The following AGMO variants were observed in gnomAD, a reference collection of about 807,000 sequenced individuals.
The protein encoded by AGMO is alkylglycerol monooxygenase.
In AGMO, 75 loss-of-function variants were observed where a neutral mutation model predicts 60.2. The observed-to-expected ratio is 1.25, with a 90% confidence interval of 1.03 to 1.51. The LOEUF is 1.51. AGMO is among the 40% of genes most tolerant of loss of function. The probability of loss-of-function intolerance (pLI) is 0.00; values close to 1 mark genes in which losing one functional copy is unlikely to be tolerated. For synonymous variants in AGMO, 261 were observed against 177.1 expected (o/e 1.47, Z -3.76); for missense variants, 763 against 525.5 (o/e 1.45, Z -4.42).
intron 11 of AGMO, 66 bp from the exon 12 acceptor site, chr7:15,365,685 A>G: frequency 3.7e-6 from 4 of 1,078,114 alleles, no homozygotes; most frequent in Non-Finnish European, 5.5e-6. Flanking sequence ...ACATGTTATA[A>G]TTAATATAAA....
chr7:15,213,117 T>C (rs1008583638), intron 12 of AGMO, among the ~76,000 whole-genome samples: 1 of 151,950 alleles, frequency 6.6e-6, no homozygotes, highest in African/African-American at 2.4e-5. Context: ...AGATCTTTTT[T>C]AAAATTCATG....
intron 7 of AGMO, 32 bp downstream of exon 7, chr7:15,390,808 T>C (rs750078611): frequency 6.3e-7 from 1 of 1,587,434 alleles, no homozygotes. Context: ...AGGAGCTGAT[T>C]TAATTTTTTG....
downstream of AGMO, among the ~76,000 whole-genome samples, chr7:15,199,910 T>G (rs549001374): frequency 6.6e-6 from 1 of 152,306 alleles, no homozygotes; most frequent in African/African-American, 2.4e-5. Context: ...GTTTGAAAAC[T>G]AAATATGCTT....
intron 12 of AGMO, among the ~76,000 whole-genome samples, chr7:15,227,994 T>G (rs1344590458): frequency 6.6e-6 from 1 of 152,166 alleles, no homozygotes; most frequent in Non-Finnish European, 1.5e-5. Flanking sequence ...CTGCCCATGT[T>G]GCTGGGTGGA....
chr7:15,492,060 A>G (rs1783080269), intron 3 of AGMO, among the ~76,000 whole-genome samples: 2 of 152,236 alleles, frequency 1.3e-5, no homozygotes, highest in Non-Finnish European at 2.9e-5. Context: ...CAGTGGTAGC[A>G]TAGTCAGGGT....
intron 10 of AGMO, among the ~76,000 whole-genome samples, chr7:15,375,506 C>T (rs1316581835): frequency 6.7e-6 from 1 of 148,860 alleles, no homozygotes; most frequent in Non-Finnish European, 1.5e-5. Context: ...AAGTGATTCT[C>T]TTGCCTCAGC....
intron 6 of AGMO, among the ~76,000 whole-genome samples, chr7:15,392,953 C>T (rs1784211008): frequency 6.6e-6 from 1 of 152,224 alleles, no homozygotes; most frequent in African/African-American, 2.4e-5. Flanking sequence ...AAGCCTGTTT[C>T]CTAAGTGTTG....
chr7:15,190,127 TTATATATATATA>T, the AGMO span, among the ~76,000 whole-genome samples: 1 of 1,530 alleles, frequency 6.5e-4, no homozygotes, highest in Non-Finnish European at 1.3e-3. Flanking sequence ...ATATATATAT[TTATATATATATA>T]TATATATATA....
At chr7:15,519,738 A>G (rs886065854) in intron 3 of AGMO, among the ~76,000 whole-genome samples, 3 of 152,178 alleles carry the variant, frequency 2.0e-5, no homozygotes, top group Admixed American at 2.0e-4. Flanking sequence ...CTATGAAGAA[A>G]CTGCATCAAC....
chr7:15,254,325 A>T (rs1326685359), intron 12 of AGMO, among the ~76,000 whole-genome samples: 1 of 152,132 alleles, frequency 6.6e-6, no homozygotes, highest in Non-Finnish European at 1.5e-5. Context: ...TTTTTTCATA[A>T]TGGCTGTGCT....
chr7:15,305,331 T>G (rs907748576), intron 12 of AGMO, among the ~76,000 whole-genome samples: 1 of 152,010 alleles, frequency 6.6e-6, no homozygotes, highest in South Asian at 2.1e-4. Context: ...TTTGTATATT[T>G]TTCCATATCC....
At chr7:15,213,304 G>A (rs765492174) in intron 12 of AGMO, among the ~76,000 whole-genome samples, 1 of 151,670 alleles carries the variant, frequency 6.6e-6, no homozygotes, top group African/African-American at 2.4e-5. Context: ...CATCCTTTGG[G>A]TCACAAATAG....
At chr7:15,295,206 A>G (rs1163481440) in intron 12 of AGMO, among the ~76,000 whole-genome samples, 2 of 152,052 alleles carry the variant, frequency 1.3e-5, no homozygotes, top group Non-Finnish European at 2.9e-5. Context: ...TATTTGTTGT[A>G]TACAGGCCTC....
At chr7:15,478,625 G>A (rs370438700) in intron 3 of AGMO, among the ~76,000 whole-genome samples, 25 of 152,122 alleles carry the variant, frequency 1.6e-4, no homozygotes, top group Non-Finnish European at 3.4e-4. Flanking sequence ...GGAATTTGCT[G>A]AACTGAATAG....
At chr7:15,469,442 C>T (rs1782381036) in intron 3 of AGMO, among the ~76,000 whole-genome samples, 1 of 152,014 alleles carries the variant, frequency 6.6e-6, no homozygotes, top group African/African-American at 2.4e-5. Context: ...TGTACTGTAC[C>T]ATTGATTATC....
At chr7:15,529,737 T>A (rs7780822) in intron 3 of AGMO, among the ~76,000 whole-genome samples, 2 of 110,718 alleles carry the variant, frequency 1.8e-5, no homozygotes, top group African/African-American at 7.2e-5. Flanking sequence ...CTATATATAT[T>A]CTATATATAT....
intron 12 of AGMO, among the ~76,000 whole-genome samples, chr7:15,323,948 C>G (rs142664166): frequency 9.8e-5 from 15 of 152,350 alleles, no homozygotes; most frequent in African/African-American, 3.4e-4. Flanking sequence ...ACATTTAAAA[C>G]TCAAGCTTGC....
intron 3 of AGMO, among the ~76,000 whole-genome samples, chr7:15,438,882 A>T (rs916655572): frequency 6.6e-6 from 1 of 152,212 alleles, no homozygotes; most frequent in Non-Finnish European, 1.5e-5. Flanking sequence ...TGTTGTTATT[A>T]ATACATGTGA....
intron 3 of AGMO, among the ~76,000 whole-genome samples, chr7:15,468,924 T>C (rs190515406): frequency 6.6e-6 from 1 of 151,908 alleles, no homozygotes; most frequent in Non-Finnish European, 1.5e-5. Flanking sequence ...TCTACTTTTA[T>C]ATCAATAAAA....
Sources: allele counts gnomAD v4.1 joint callset (sites outside exome capture counted in the v4.1 genomes callset), GRCh38; gene constraint gnomAD v4.1.1; transcripts MANE v1.5; gene names NCBI Gene and HGNC (gene_info 2026-07-23, HGNC 2026-07-21).